Variants in FRY observed in about 807,000 individuals in gnomAD.
FRY encodes the protein FRY microtubule binding protein, also known as protein furry homolog.
A neutral mutation model predicts 348.4 loss-of-function variants in FRY; 128 were observed. That is an observed-to-expected ratio of 0.37 (90% CI 0.32 to 0.43). The LOEUF is 0.43. Among genes scored for constraint, FRY ranks in the 20% least tolerant of loss-of-function variants. FRY has a pLI of 1.00. For missense variants in FRY, 2,736 were observed against 3,695.2 expected (o/e 0.74, Z 6.73); for synonymous variants, 1,370 against 1,374.7 (o/e 1.00, Z 0.08).
At chr13:32,093,331 G>C (rs1410489731) in intron 2 of FRY, among the ~76,000 whole-genome samples, 2 of 152,076 alleles carry the variant, frequency 1.3e-5, no homozygotes, top group African/African-American at 4.8e-5. Flanking sequence ...ATTTGAGTCA[G>C]GATCCAAATA....
At chr13:32,158,658 C>T (rs147965551) in intron 16 of FRY, among the ~76,000 whole-genome samples, 2 of 152,090 alleles carry the variant, frequency 1.3e-5, no homozygotes, top group Admixed American at 6.5e-5. Flanking sequence ...TGGCTCACAC[C>T]TGTAATCCCA....
intron 57 of FRY, among the ~76,000 whole-genome samples, chr13:32,277,810 A>G (rs767783615): frequency 1.3e-5 from 2 of 152,212 alleles, no homozygotes; most frequent in Non-Finnish European, 2.9e-5. Context: ...CTTCTCAGTC[A>G]TCACCCAGTA....
At chr13:32,206,823 C>G (rs1884380876) in intron 31 of FRY, among the ~76,000 whole-genome samples, 2 of 151,964 alleles carry the variant, frequency 1.3e-5, no homozygotes, top group Non-Finnish European at 2.9e-5. Flanking sequence ...TAATATAAAC[C>G]CTGTGGTGAA....
rs1310886444 is a variant in FRY, at chr13:32,237,673, C to T, written c.6105C>T (p.Asn2035=). 2 of 1,614,056 alleles carry T rather than the reference C, an allele frequency of 1.2e-6. No homozygotes were observed. The highest frequency in any genetic ancestry group is 1.7e-6 in the Non-Finnish European group (2 of 1,180,024). The change falls in exon 44 of 61, where the codon AAC becomes AAT. Residue 2035 remains asparagine, a synonymous_variant. Transcript: ENST00000542859. The surrounding 1 kb of genome is among the most constrained non-coding windows in gnomAD (Gnocchi z 6.3). The stretch of plus-strand genomic sequence containing the variant: ...GTCTCACGGACCCATCCCACATAAA[C>T]CATCCCACCAACCTGCTGGCCACCA... ...KDSLTDPSHI[N]HPTNLLATIF...
At chr13:32,188,517 T>C (rs554721444) in intron 28 of FRY, among the ~76,000 whole-genome samples, 1 of 152,214 alleles carries the variant, frequency 6.6e-6, no homozygotes, top group Non-Finnish European at 1.5e-5. Context: ...TCTGGTAAAG[T>C]TCTCCCAGGT....
chr13:32,073,487 T>C lies in FRY; in HGVS notation c.71-5347T>C, dbSNP rs538019103. Among the ~76,000 whole-genome samples, 172 of 152,318 alleles carry C rather than the reference T, an allele frequency of 1.1e-3. 3 individuals are homozygous for C. The South Asian group carries it at 0.013, about 12-fold the overall frequency. Reference sequence around the variant, plus strand: ...GCCACTTACTCTGTTTAATTTTTCCTTGTTCTTTTAGAATTTATTGTAGTC... The same window carrying C: ...GCCACTTACTCTGTTTAATTTTTCCCTGTTCTTTTAGAATTTATTGTAGTC... On this transcript the variant is annotated intron_variant, in intron 1 of 60. Transcript: ENST00000542859.
At chr13:32,168,046 G>T (rs899799486) in intron 17 of FRY, among the ~76,000 whole-genome samples, 1 of 152,142 alleles carries the variant, frequency 6.6e-6, no homozygotes, top group Non-Finnish European at 1.5e-5. Flanking sequence ...GATGTATATA[G>T]AGAGAAAGAG....
chr13:32,039,935 A>G (rs1168452922), intron 1 of FRY, among the ~76,000 whole-genome samples: 7 of 152,234 alleles, frequency 4.6e-5, no homozygotes, highest in African/African-American at 1.4e-4. Context: ...TTCTTAATCA[A>G]TTGCAAAGTG....
chr13:32,033,357 G>GT (rs1872342264), intron 1 of FRY, among the ~76,000 whole-genome samples: 1 of 152,074 alleles, frequency 6.6e-6, no homozygotes. Context: ...TCAGTACGTG[G>GT]TTTTTAAACA....
chr13:32,249,497 G>C (rs187366829), intron 48 of FRY, 29 bp from the exon 49 acceptor site: 3 of 1,612,920 alleles, frequency 1.9e-6, no homozygotes, highest in East Asian at 2.2e-5. Flanking sequence ...CATTGAGACA[G>C]AATAATGTGC....
Position 32,184,613 on chromosome 13 carries a change from G to A in FRY, c.3068G>A (p.Arg1023Gln), listed in dbSNP as rs1316106726. The A allele has an allele frequency of 6.2e-7, 1 of 1,612,076 alleles. No homozygotes were observed. Among genetic ancestry groups the A allele is most frequent in the African/African-American group, 1.3e-5 (1 of 74,908 alleles). The change falls in exon 25 of 61, where the codon CGA (arginine) becomes CAA (glutamine). Residue 1023 changes from arginine to glutamine, a missense_variant. By Grantham distance (43) the Arg-to-Gln change is conservative. This residue lies in a region of FRY where 449 missense variants were observed against 576.9 expected (regional missense o/e 0.78). Coordinates refer to ENST00000542859, the MANE Select transcript of FRY (RefSeq NM_023037.3). Reference protein sequence around the residue: ...LERRPENKKRRERRDLLRLQL... With the variant: ...LERRPENKKRQERRDLLRLQL... ...CTTTCTACACAGAACAAGAAACGCCGAGAACGGCGAGACTTGTTAAGGCTA... is the reference window on the plus strand; with the variant it reads ...CTTTCTACACAGAACAAGAAACGCCAAGAACGGCGAGACTTGTTAAGGCTA...
intron 2 of FRY, among the ~76,000 whole-genome samples, chr13:32,079,488 A>G (rs927649007): frequency 1.3e-5 from 2 of 152,186 alleles, no homozygotes; most frequent in African/African-American, 2.4e-5. Flanking sequence ...CCTTGGTACC[A>G]TATTGTCAGA....
chr13:32,059,954 C>T (rs1873848205), intron 1 of FRY, among the ~76,000 whole-genome samples: 1 of 152,192 alleles, frequency 6.6e-6, no homozygotes, highest in Non-Finnish European at 1.5e-5. Flanking sequence ...TGGTGTTTAG[C>T]TCAGCAGAAT....
At chr13:32,181,082 G>T (rs549769620) in intron 23 of FRY, among the ~76,000 whole-genome samples, 19 of 151,964 alleles carry the variant, frequency 1.3e-4, no homozygotes, top group African/African-American at 4.6e-4. Flanking sequence ...AGTAGAGACA[G>T]GGTTTCACCA....
intron 16 of FRY, among the ~76,000 whole-genome samples, chr13:32,158,641 G>C (rs970119886): frequency 6.6e-6 from 1 of 152,110 alleles, no homozygotes; most frequent in African/African-American, 2.4e-5. Flanking sequence ...CATTACGCCA[G>C]GCATGGTGGC....
chr13:32,224,872 G>A lies in FRY; in HGVS notation c.4917-61G>A, dbSNP rs1885498808. 7 of 954,860 alleles carry A rather than the reference G, an allele frequency of 7.3e-6. No individual in the cohort carries two copies. In the African/African-American group the frequency reaches 1.1e-4, roughly 15 times the overall value. The allele number at this position is 954,860 out of a possible 1,614,324, so 59.1% of individuals were successfully genotyped here. A position where few individuals can be genotyped will look rare whatever the true frequency, so the allele number is the denominator to read the frequency against. ...GAGTTATATTGTACTGTAACTTAATGATCTACTAGTATTTCCATCCCCTTC... is the reference window on the plus strand; with the variant it reads ...GAGTTATATTGTACTGTAACTTAATAATCTACTAGTATTTCCATCCCCTTC... On this transcript the variant is annotated intron_variant, in intron 37 of 60. Coordinates refer to ENST00000542859, the MANE Select transcript of FRY (RefSeq NM_023037.3).
Position 32,242,335 on chromosome 13 carries a change from C to T in FRY, c.6688-1707C>T, listed in dbSNP as rs183156108. On this transcript the variant is annotated intron_variant, in intron 46 of 60. Transcript: ENST00000542859. ...TCGAGAAGTTGGTCTTCATAAAGATCCCCCCATTTGTAATACTATAAACAG... is the reference window on the plus strand; with the variant it reads ...TCGAGAAGTTGGTCTTCATAAAGATTCCCCCATTTGTAATACTATAAACAG... Among the ~76,000 whole-genome samples, 4 of 151,978 alleles carry T rather than the reference C, an allele frequency of 2.6e-5. No individual in the cohort carries two copies. The East Asian group carries it at 5.8e-4, about 22-fold the overall frequency.
chr13:32,034,307 TTATA>T (rs963529718), intron 1 of FRY, among the ~76,000 whole-genome samples: 1 of 152,078 alleles, frequency 6.6e-6, no homozygotes, highest in Non-Finnish European at 1.5e-5. Flanking sequence ...GAAAATGTAA[TTATA>T]TATATATTAG....
At chr13:32,049,407 ATTCTGAAAACAGT>A (rs1873199868) in intron 1 of FRY, among the ~76,000 whole-genome samples, 2 of 151,904 alleles carry the variant, frequency 1.3e-5, no homozygotes, top group South Asian at 4.1e-4. Context: ...GTCTGGTCTT[ATTCTGAAAACAGT>A]GGGCAACCCC....
Sources: allele counts gnomAD v4.1 joint callset (sites outside exome capture counted in the v4.1 genomes callset), GRCh38; gene constraint gnomAD v4.1.1; regional missense constraint gnomAD v4.1.1; non-coding constraint Gnocchi (gnomAD v3.1); transcripts MANE v1.5; gene names NCBI Gene and HGNC (gene_info 2026-07-23, HGNC 2026-07-21).